MRTFA: variants seen among roughly 807,000 people sequenced by gnomAD.
The protein encoded by MRTFA is myocardin-related transcription factor A.
MRTFA carries 20 observed loss-of-function variants against 83.5 expected under a neutral mutation model. The observed-to-expected ratio is 0.24, with a 90% CI of 0.17 to 0.35. The LOEUF (loss-of-function observed/expected upper bound fraction) is 0.35. MRTFA is among the 10% of genes least tolerant of loss of function. The pLI, the probability that MRTFA is intolerant of heterozygous loss-of-function variation, is 1.00. For missense variants in MRTFA, 1,200 were observed against 1,224.7 expected (o/e 0.98, Z 0.30); for synonymous variants, 659 against 541.2 (o/e 1.22, Z -3.02).
chr22:40,444,242 C>A (rs1395848418), intron 4 of MRTFA, among the ~76,000 whole-genome samples: 1 of 152,030 alleles, frequency 6.6e-6, no homozygotes, highest in African/African-American at 2.4e-5. Flanking sequence ...ATAGAAATAC[C>A]TAATCTGAAC....
chr22:40,626,609 T>C (rs569200871), intron 1 of MRTFA, among the ~76,000 whole-genome samples: 95 of 152,170 alleles, frequency 6.2e-4, no homozygotes, highest in South Asian at 1.4e-3. Flanking sequence ...TAAATTTCTC[T>C]TGCTCTACAT....
intron 3 of MRTFA, chr22:40,519,623 TAA>T: frequency 7.7e-7 from 1 of 1,292,052 alleles, no homozygotes; most frequent in Non-Finnish European, 1.0e-6. Flanking sequence ...CTGTTGTACA[TAA>T]AAGCAAAAAA....
At chr22:40,573,345 C>T (rs1015113179) in intron 2 of MRTFA, among the ~76,000 whole-genome samples, 1 of 152,162 alleles carries the variant, frequency 6.6e-6, no homozygotes, top group Non-Finnish European at 1.5e-5. Context: ...ACCTCTGCCT[C>T]CCAGGTTCAA....
At chr22:40,602,838 C>G (rs1034971907) in intron 1 of MRTFA, among the ~76,000 whole-genome samples, 3 of 152,032 alleles carry the variant, frequency 2.0e-5, no homozygotes, top group African/African-American at 7.2e-5. Context: ...CAGAGCGAGA[C>G]TCCATCTCAA....
intron 1 of MRTFA, among the ~76,000 whole-genome samples, chr22:40,634,177 T>A (rs1486534019): frequency 6.6e-6 from 1 of 151,866 alleles, no homozygotes; most frequent in Admixed American, 6.6e-5. Context: ...CACCTCAAAC[T>A]CCTGGGCTCA....
chr22:40,572,650 A>G (rs549096292), intron 2 of MRTFA, among the ~76,000 whole-genome samples: 1 of 152,182 alleles, frequency 6.6e-6, no homozygotes, highest in African/African-American at 2.4e-5. Context: ...TGGGAAGAAA[A>G]GAGGTTTAAC....
chr22:40,589,423 G>C (rs1252187054), intron 2 of MRTFA, among the ~76,000 whole-genome samples: 4 of 152,080 alleles, frequency 2.6e-5, no homozygotes, highest in African/African-American at 9.7e-5. Flanking sequence ...TTTTACAAAG[G>C]AGAATAGTGA....
intron 2 of MRTFA, among the ~76,000 whole-genome samples, chr22:40,580,596 C>T (rs926160616): frequency 6.6e-6 from 1 of 152,088 alleles, no homozygotes; most frequent in African/African-American, 2.4e-5. Context: ...GCCATATTTG[C>T]GTCAGATTTT....
At chr22:40,481,496 T>TA (rs1426521249) in intron 3 of MRTFA, among the ~76,000 whole-genome samples, 1 of 152,078 alleles carries the variant, frequency 6.6e-6, no homozygotes, top group Non-Finnish European at 1.5e-5. Context: ...GAAAACATAA[T>TA]AAATAAGGTG....
At chr22:40,457,660 A>G (rs536011406) in intron 4 of MRTFA, among the ~76,000 whole-genome samples, 31 of 152,284 alleles carry the variant, frequency 2.0e-4, no homozygotes, top group African/African-American at 6.0e-4. Context: ...AAGACAGAGC[A>G]AGGTCTTCGA....
chr22:40,613,932 G>T (rs932539618), intron 1 of MRTFA, among the ~76,000 whole-genome samples: 10 of 151,988 alleles, frequency 6.6e-5, no homozygotes, highest in African/African-American at 2.4e-4. Context: ...GGGCGTGGTG[G>T]CTCATGCCTG....
chr22:40,588,132 G>A (rs1033397194), intron 2 of MRTFA: 20 of 155,736 alleles, frequency 1.3e-4, no homozygotes, highest in Admixed American at 2.6e-4. Context: ...AGGTTCAAGC[G>A]ATTCTCCCGC....
chr22:40,630,693 A>T (rs1047091598), intron 1 of MRTFA, among the ~76,000 whole-genome samples: 2 of 152,152 alleles, frequency 1.3e-5, no homozygotes, highest in African/African-American at 4.8e-5. Context: ...AGTTTCTTAT[A>T]ATTAACTTTC....
At chr22:40,467,220 G>T (rs1305877613) in intron 3 of MRTFA, among the ~76,000 whole-genome samples, 1 of 152,086 alleles carries the variant, frequency 6.6e-6, no homozygotes, top group South Asian at 2.1e-4. Context: ...CCTGATTTAG[G>T]TATGTGTTGT....
rs17001910 is a variant in MRTFA at position 40,440,672 on chromosome 22, C to T, written c.308-5118G>A. 7.3e-3 allele frequency among the ~76,000 whole-genome samples: 1,112 copies of T among 152,268 alleles called. 13 individuals carry two copies. The highest frequency in any genetic ancestry group is 0.026 in the African/African-American group (1,064 of 41,538). On this transcript the variant is annotated intron_variant, in intron 4 of 14. Coordinates refer to ENST00000355630, the MANE Select transcript of MRTFA (RefSeq NM_020831.6). ...GCACTGGGGTTTGAGGTGGAGAGGG[C>T]AACTCCTGTGTGTGTCCCGCCAGCT...
chr22:40,594,936 G>T (rs182955951), intron 1 of MRTFA, among the ~76,000 whole-genome samples: 2 of 147,364 alleles, frequency 1.4e-5, no homozygotes, highest in Admixed American at 1.3e-4. Flanking sequence ...TAAATAATAG[G>T]TAACACTGAT....
chr22:40,466,969 G>GTGTATA (rs143933140), intron 3 of MRTFA, among the ~76,000 whole-genome samples: 6 of 150,010 alleles, frequency 4.0e-5, no homozygotes, highest in African/African-American at 1.2e-4. Context: ...TATTATGCAT[G>GTGTATA]TATATATATA....
chr22:40,425,386 G>A (rs942795256), intron 7 of MRTFA, among the ~76,000 whole-genome samples: 9 of 152,254 alleles, frequency 5.9e-5, no homozygotes, highest in Non-Finnish European at 1.3e-4. Context: ...GTGAGCTGCC[G>A]CCCAAGCCTG....
intron 3 of MRTFA, among the ~76,000 whole-genome samples, chr22:40,495,067 T>C (rs1206709891): frequency 6.6e-6 from 1 of 151,770 alleles, no homozygotes; most frequent in African/African-American, 2.4e-5. Flanking sequence ...TACAAGATAT[T>C]ATGCATAGTT....
Sources: allele counts gnomAD v4.1 joint callset (sites outside exome capture counted in the v4.1 genomes callset), GRCh38; gene constraint gnomAD v4.1.1; transcripts MANE v1.5; gene names NCBI Gene and HGNC (gene_info 2026-07-23, HGNC 2026-07-21).